Variants in C13orf42 observed in about 807,000 individuals in gnomAD.
The protein encoded by C13orf42 is chromosome 13 open reading frame 42, also known as uncharacterized protein C13orf42.
upstream of C13orf42, among the ~76,000 whole-genome samples, chr13:51,114,651 T>TAGATAG (rs1555266732): frequency 0.022 from 3,090 of 142,448 alleles, 57 homozygotes; most frequent in South Asian, 0.038. Context: ...TAGATAGAGA[T>TAGATAG]AGACAGACAG....
intron 1 of C13orf42, among the ~76,000 whole-genome samples, chr13:51,153,765 C>T (rs1285371402): frequency 1.3e-5 from 2 of 151,270 alleles, no homozygotes; most frequent in Non-Finnish European, 2.9e-5. Flanking sequence ...CCTCAGCCTC[C>T]CAAATAGCTG....
chr13:51,117,447 A>C (rs1953500439), intron 1 of C13orf42, among the ~76,000 whole-genome samples: 1 of 152,240 alleles, frequency 6.6e-6, no homozygotes, highest in African/African-American at 2.4e-5. Context: ...TTTTAAAGTG[A>C]TATACTGCAG....
At chr13:51,134,436 C>A (rs1361793126) in intron 1 of C13orf42, among the ~76,000 whole-genome samples, 1 of 152,190 alleles carries the variant, frequency 6.6e-6, no homozygotes, top group East Asian at 1.9e-4. Flanking sequence ...TGGACAGATA[C>A]CTCTCGGCAA....
exon 1 of C13orf42, chr13:51,172,283 C>T (rs1953962094): frequency 6.6e-6 from 1 of 152,144 alleles, no homozygotes; most frequent in Non-Finnish European, 1.5e-5. Flanking sequence ...CCCTGGAACT[C>T]TGGCCCAAGC....
At chr13:51,097,208 T>C (rs1256581151) in intron 1 of C13orf42, among the ~76,000 whole-genome samples, 1 of 152,218 alleles carries the variant, frequency 6.6e-6, no homozygotes, top group East Asian at 1.9e-4. Flanking sequence ...CTTTTGCTAT[T>C]AGTGCAGCAA....
At chr13:51,085,019 G>A (rs1467010995) in intron 3 of C13orf42, among the ~76,000 whole-genome samples, 3 of 152,026 alleles carry the variant, frequency 2.0e-5, no homozygotes, top group Non-Finnish European at 2.9e-5. Context: ...ATGGCACTGG[G>A]GGGAAATCCA....
At chr13:51,133,982 C>T (rs1196117785) in intron 1 of C13orf42, among the ~76,000 whole-genome samples, 1 of 152,172 alleles carries the variant, frequency 6.6e-6, no homozygotes, top group Non-Finnish European at 1.5e-5. Context: ...GGCATCCGCA[C>T]ACCTGCAGCA....
chr13:51,105,324 C>G (rs1182960862), intron 1 of C13orf42, among the ~76,000 whole-genome samples: 1 of 152,188 alleles, frequency 6.6e-6, no homozygotes, highest in Non-Finnish European at 1.5e-5. Flanking sequence ...CTCGCAAGAC[C>G]GACTACCCCC....
At chr13:51,159,401 T>A (rs186383148) in intron 1 of C13orf42, among the ~76,000 whole-genome samples, 1 of 152,186 alleles carries the variant, frequency 6.6e-6, no homozygotes, top group African/African-American at 2.4e-5. Flanking sequence ...AAGAGGCTGA[T>A]CAAGAGCAGT....
At chr13:51,088,999 T>TA (rs1438428803) in intron 1 of C13orf42, among the ~76,000 whole-genome samples, 1 of 152,076 alleles carries the variant, frequency 6.6e-6, no homozygotes, top group Non-Finnish European at 1.5e-5. Flanking sequence ...CGTGTACTAA[T>TA]AAAAAACTCT....
chr13:51,132,425 G>A (rs538728763), intron 1 of C13orf42, among the ~76,000 whole-genome samples: 36 of 150,160 alleles, frequency 2.4e-4, no homozygotes, highest in Middle Eastern at 3.5e-3. Flanking sequence ...GACAGACTCC[G>A]TCTCAAAAAC....
chr13:51,153,885 G>A (rs573037531), intron 1 of C13orf42, among the ~76,000 whole-genome samples: 1 of 151,824 alleles, frequency 6.6e-6, no homozygotes, highest in South Asian at 2.1e-4. Flanking sequence ...CTACCGCCTC[G>A]GCCTCCCAGA....
At chr13:51,153,116 T>A (rs1464551715) in intron 1 of C13orf42, among the ~76,000 whole-genome samples, 1 of 152,204 alleles carries the variant, frequency 6.6e-6, no homozygotes, top group Non-Finnish European at 1.5e-5. Context: ...GAATTAATGT[T>A]TTGTAAGTCA....
chr13:51,157,881 G>A (rs753566220), intron 1 of C13orf42, among the ~76,000 whole-genome samples: 2 of 152,210 alleles, frequency 1.3e-5, no homozygotes, highest in Admixed American at 6.5e-5. Flanking sequence ...TCTCTCAGAG[G>A]ATTTGTAAGT....
chr13:51,089,922 G>C (rs550206504), intron 1 of C13orf42, among the ~76,000 whole-genome samples: 34 of 152,140 alleles, frequency 2.2e-4, no homozygotes, highest in Non-Finnish European at 3.7e-4. Flanking sequence ...GGTGACCAAT[G>C]TGATGGAGCA....
chr13:51,133,430 C>T (rs1343429574), intron 1 of C13orf42, among the ~76,000 whole-genome samples: 3 of 152,068 alleles, frequency 2.0e-5, no homozygotes, highest in Non-Finnish European at 4.4e-5. Context: ...GTACTTAATG[C>T]CACTCATTTT....
At chr13:51,122,170 T>C (rs1370741251) in intron 1 of C13orf42, among the ~76,000 whole-genome samples, 1 of 152,080 alleles carries the variant, frequency 6.6e-6, no homozygotes, top group Non-Finnish European at 1.5e-5. Flanking sequence ...ATGTAAATGC[T>C]GAAAATATAT....
intron 1 of C13orf42, among the ~76,000 whole-genome samples, chr13:51,161,519 G>A (rs187578202): frequency 3.9e-5 from 6 of 152,050 alleles, no homozygotes; most frequent in African/African-American, 9.6e-5. Context: ...TCTTACACTC[G>A]AGGCCAATAT....
rs112054603 is a variant in C13orf42, at chr13:51,126,000, C to T, written n.137-12778G>A. Among the ~76,000 whole-genome samples, 565 of 152,298 alleles carry T rather than the reference C, an allele frequency of 3.7e-3. 7 individuals are homozygous for T. Among genetic ancestry groups the T allele is most frequent in the African/African-American group, 0.013 (537 of 41,552 alleles). On this transcript the variant is annotated intron_variant and non_coding_transcript_variant, in intron 1 of 4. Coordinates refer to the C13orf42 transcript ENST00000433280. ...TGAATAGCAAAGCAAGGACAATCCA[C>T]GCCATTACAATAACAGGTGCACCAA...
Sources: gnomAD v4.1 joint callset for allele counts (sites outside exome capture counted in the v4.1 genomes callset) on GRCh38, gnomAD v4.1.1 for gene constraint, MANE v1.5 for transcripts, NCBI Gene and HGNC (gene_info 2026-07-23, HGNC 2026-07-21) for gene names.